Variants in KDM4B observed in about 807,000 individuals in gnomAD.
KDM4B encodes the protein lysine-specific demethylase 4B.
Under a neutral mutation model 125.2 loss-of-function variants are expected in KDM4B, and 32 were observed. The observed-to-expected ratio is 0.26, with a 90% CI of 0.19 to 0.34. KDM4B has a LOEUF of 0.34. KDM4B is among the 10% of genes least tolerant of loss of function. The probability of loss-of-function intolerance (pLI) is 1.00; values close to 1 mark genes in which losing one functional copy is unlikely to be tolerated. For synonymous variants in KDM4B, 721 were observed against 677.9 expected, an observed-to-expected ratio of 1.06 and a Z score of -0.99; for missense variants, 1,190 against 1,577.7, an observed-to-expected ratio of 0.75 and a Z score of 4.16.
In KDM4B at chr19:5,017,576, C is replaced by T. The variant is rs374013963; in HGVS notation, c.-26+1237C>T. Among the ~76,000 whole-genome samples, 4 of 152,260 alleles carry T rather than the reference C, an allele frequency of 2.6e-5. No individual in the cohort carries two copies. In the South Asian group the frequency reaches 8.3e-4, roughly 32 times the overall value. ...CTTGGTGACTTGGTTTGGAAATTGGCAGGTCTGTCTGTGCCTCCTGAAATC... is the reference window on the plus strand; with the variant it reads ...CTTGGTGACTTGGTTTGGAAATTGGTAGGTCTGTCTGTGCCTCCTGAAATC... On this transcript the variant is annotated intron_variant, in intron 2 of 22. Coordinates refer to ENST00000159111, the MANE Select transcript of KDM4B (RefSeq NM_015015.3).
In KDM4B at chr19:5,106,652, A is replaced by G. The variant is rs1006594836; in HGVS notation, c.919-3970A>G. 9.2e-4 allele frequency among the ~76,000 whole-genome samples: 140 copies of G among 152,344 alleles called. 1 individual carries two copies. Among genetic ancestry groups the G allele is most frequent in the Non-Finnish European group, 1.9e-4 (13 of 68,030 alleles). On this transcript the variant is annotated intron_variant, in intron 9 of 22. Transcript: ENST00000159111. ...TGAAGCCTCTGCTGATTCGCTGGCA[A>G]GCGGCACTGTCCAGGCCCCCAGAGG...
At chr19:5,119,604 C>G (rs1474013075) in intron 10 of KDM4B, 49 bp from the exon 11 acceptor site, 1 of 1,502,558 alleles carries the variant, frequency 6.7e-7, no homozygotes. Flanking sequence ...AGACCTAGGG[C>G]TCTTCCCTCC....
intron 1 of KDM4B, among the ~76,000 whole-genome samples, chr19:4,972,304 C>G (rs1409858642): frequency 7.8e-6 from 1 of 127,878 alleles, no homozygotes; most frequent in Admixed American, 7.2e-5. Flanking sequence ...CTGGGCCTTG[C>G]TTTCTTCTCT....
chr19:5,049,884 C>T (rs2037164057), intron 6 of KDM4B, among the ~76,000 whole-genome samples: 1 of 152,282 alleles, frequency 6.6e-6, no homozygotes, highest in East Asian at 1.9e-4. Flanking sequence ...GACTACCCCT[C>T]CAGGCTGCCC....
intron 1 of KDM4B, among the ~76,000 whole-genome samples, chr19:4,983,139 T>C (rs1239191129): frequency 2.6e-5 from 4 of 151,222 alleles, no homozygotes; most frequent in African/African-American, 4.9e-5. Flanking sequence ...TCTTTTCTTT[T>C]TTTTTTTTTT....
At chr19:5,107,165 G>C (rs1296918500) in intron 9 of KDM4B, among the ~76,000 whole-genome samples, 4 of 152,218 alleles carry the variant, frequency 2.6e-5, no homozygotes, top group African/African-American at 9.7e-5. Context: ...CAGCTCTCAG[G>C]GCGGCCTCAC....
chr19:5,058,793 G>A (rs560372731), intron 6 of KDM4B, among the ~76,000 whole-genome samples: 96 of 152,328 alleles, frequency 6.3e-4, no homozygotes, highest in South Asian at 4.1e-3. Context: ...GGCTCGTGTC[G>A]CTTGTGAGGC....
At chr19:5,106,052 G>C (rs909259643) in intron 9 of KDM4B, among the ~76,000 whole-genome samples, 6 of 152,226 alleles carry the variant, frequency 3.9e-5, no homozygotes, top group Admixed American at 1.3e-4. Flanking sequence ...CCTGTCTTGA[G>C]AGAGCTCTGC....
chr19:5,019,449 C>CGTGTTGGTGTGCAGGTGTGGGTGTTG (rs2036009844), intron 2 of KDM4B, among the ~76,000 whole-genome samples: 1 of 66,402 alleles, frequency 1.5e-5, no homozygotes, highest in Non-Finnish European at 2.9e-5. Flanking sequence ...TGTTGGTGTG[C>CGTGTTGGTGTGCAGGTGTGGGTGTTG]GTGTTGGTGT....
At chr19:5,032,088 G>A (rs1047479850) in intron 2 of KDM4B, among the ~76,000 whole-genome samples, 3 of 152,220 alleles carry the variant, frequency 2.0e-5, no homozygotes, top group Non-Finnish European at 2.9e-5. Context: ...CCTGGTCGGG[G>A]TGGGCTACCA....
chr19:5,040,008 A>G lies in KDM4B; in HGVS notation c.314A>G (p.Glu105Gly), dbSNP rs2036754588. 6.2e-7 allele frequency: 1 copy of G among 1,610,114 alleles called. No individual in the cohort carries two copies. The highest frequency in any genetic ancestry group is 1.3e-5 in the African/African-American group (1 of 74,852). ...VGEYRRLANSEKYCTPRHQDF... is the reference protein window; with the variant it reads ...VGEYRRLANSGKYCTPRHQDF... ...GAGTACCGCCGCCTGGCCAACAGCG[A>G]GAAGTACGCGGGGCGGGCAGGGCGG... is the stretch of plus-strand genomic sequence containing the variant. The change falls in exon 4 of 23, where the codon GAG (glutamate) becomes GGG (glycine). Residue 105 changes from glutamate to glycine, a missense_variant. Glu to Gly is a moderately conservative substitution (Grantham distance 98). Transcript: ENST00000159111.
intron 11 of KDM4B, among the ~76,000 whole-genome samples, chr19:5,130,680 G>A (rs933732141): frequency 5.3e-5 from 8 of 152,226 alleles, no homozygotes; most frequent in African/African-American, 1.7e-4. Flanking sequence ...CACCTCCACC[G>A]GGAAAGTGCC....
intron 5 of KDM4B, 137 bp from the exon 6 acceptor site, chr19:5,047,339 G>GC: frequency 1.4e-6 from 1 of 727,604 alleles, no homozygotes; most frequent in East Asian, 2.7e-5. Flanking sequence ...ACCGGCCCCT[G>GC]GGGGGGCCGC....
chr19:5,137,911 C>A, intron 17 of KDM4B, 51 bp from the exon 18 acceptor site: 1 of 1,490,448 alleles, frequency 6.7e-7, no homozygotes. Flanking sequence ...CCTCTGTGAC[C>A]AGCCCAGGTC....
At chr19:5,108,885 C>T (rs949135223) in intron 9 of KDM4B, among the ~76,000 whole-genome samples, 1 of 152,120 alleles carries the variant, frequency 6.6e-6, no homozygotes, top group Admixed American at 6.5e-5. Flanking sequence ...GAGGTCTGTG[C>T]CCCGTTCAGA....
At chr19:5,021,891 C>T (rs1180794251) in intron 2 of KDM4B, among the ~76,000 whole-genome samples, 1 of 152,174 alleles carries the variant, frequency 6.6e-6, no homozygotes, top group African/African-American at 2.4e-5. Flanking sequence ...GCCTCGTCCT[C>T]CCAAAGTGTT....
chr19:5,098,364 G>A (rs935528056), intron 9 of KDM4B, among the ~76,000 whole-genome samples: 10 of 152,216 alleles, frequency 6.6e-5, no homozygotes, highest in African/African-American at 1.4e-4. Context: ...CTCAGAAGGC[G>A]TAATCTCAGG....
At chr19:5,118,813 C>T (rs974724168) in intron 10 of KDM4B, among the ~76,000 whole-genome samples, 13 of 152,332 alleles carry the variant, frequency 8.5e-5, no homozygotes, top group East Asian at 5.8e-4. Context: ...GTGCAGGGAC[C>T]GGGACCTCCC....
chr19:4,993,346 T>C (rs1302787795), intron 1 of KDM4B, among the ~76,000 whole-genome samples: 1 of 151,730 alleles, frequency 6.6e-6, no homozygotes, highest in African/African-American at 2.4e-5. Context: ...GAGGCAGAGG[T>C]TGCAGTGAGC....
Sources: allele counts gnomAD v4.1 joint callset (sites outside exome capture counted in the v4.1 genomes callset), GRCh38; gene constraint gnomAD v4.1.1; transcripts MANE v1.5; gene names NCBI Gene and HGNC (gene_info 2026-07-23, HGNC 2026-07-21).